LRP1B: variants seen among roughly 807,000 people sequenced by gnomAD.
LRP1B encodes low-density lipoprotein receptor-related protein 1B.
Under a neutral mutation model 556.6 loss-of-function variants are expected in LRP1B, and 217 were observed. The observed-to-expected ratio is 0.39, with a 90% confidence interval of 0.35 to 0.44. The LOEUF is 0.44. LRP1B is among the 20% of genes least tolerant of loss of function. LRP1B has a pLI of 1.00. For synonymous variants in LRP1B, 2,047 were observed against 1,865.8 expected (o/e 1.10, Z -2.50); for missense variants, 5,053 against 5,620.8 (o/e 0.90, Z 3.23).
At chr2:140,303,230 C>T (rs1261771550) in intron 83 of LRP1B, among the ~76,000 whole-genome samples, 1 of 140,354 alleles carries the variant, frequency 7.1e-6, no homozygotes, top group Non-Finnish European at 1.6e-5. Context: ...TAAAAATAAA[C>T]TCTTTTTTAT....
At chr2:140,429,905 A>G (rs1364266260) in intron 66 of LRP1B, among the ~76,000 whole-genome samples, 1 of 150,790 alleles carries the variant, frequency 6.6e-6, no homozygotes, top group Non-Finnish European at 1.5e-5. Context: ...TGACACATAT[A>G]CTTTCTGCTC....
chr2:140,431,924 A>C (rs1055726486), intron 66 of LRP1B, among the ~76,000 whole-genome samples: 1 of 151,506 alleles, frequency 6.6e-6, no homozygotes, highest in Admixed American at 6.6e-5. Flanking sequence ...ACCCCCAAAA[A>C]TTTTCGCTGT....
chr2:141,112,929 A>G (rs1251476771), intron 7 of LRP1B, among the ~76,000 whole-genome samples: 2 of 152,234 alleles, frequency 1.3e-5, no homozygotes, highest in Admixed American at 1.3e-4. Context: ...AGTGTTAAGG[A>G]GAGAATTGTT....
At chr2:140,743,624 T>C (rs925826096) in intron 35 of LRP1B, among the ~76,000 whole-genome samples, 8 of 152,054 alleles carry the variant, frequency 5.3e-5, no homozygotes, top group African/African-American at 1.9e-4. Flanking sequence ...GCCTTGCATA[T>C]AGTACACATG....
intron 43 of LRP1B, among the ~76,000 whole-genome samples, chr2:140,556,520 A>G (rs1431890675): frequency 6.6e-6 from 1 of 152,078 alleles, no homozygotes; most frequent in Non-Finnish European, 1.5e-5. Context: ...CACAGATTTC[A>G]CTATTTCTTG....
At chr2:141,924,302 T>C (rs1045293733) in intron 1 of LRP1B, among the ~76,000 whole-genome samples, 4 of 151,950 alleles carry the variant, frequency 2.6e-5, no homozygotes, top group Admixed American at 1.3e-4. Context: ...GGCTGCTTGA[T>C]AGCCAAAACT....
intron 37 of LRP1B, among the ~76,000 whole-genome samples, chr2:140,711,970 A>G (rs1426628936): frequency 6.6e-6 from 1 of 152,162 alleles, no homozygotes; most frequent in African/African-American, 2.4e-5. Flanking sequence ...AAAATAGTAA[A>G]TGTCTAAGTG....
chr2:140,863,305 T>A (rs961036929), intron 27 of LRP1B, among the ~76,000 whole-genome samples: 3 of 152,188 alleles, frequency 2.0e-5, no homozygotes, highest in Admixed American at 6.5e-5. Flanking sequence ...GACCATTTTT[T>A]AAAAAATTGT....
At chr2:141,204,808 G>C (rs556991317) in intron 6 of LRP1B, among the ~76,000 whole-genome samples, 1 of 152,050 alleles carries the variant, frequency 6.6e-6, no homozygotes, top group East Asian at 1.9e-4. Flanking sequence ...GCGGTGGCAG[G>C]TGCCTGTAAT....
At position 141,970,072 on chromosome 2, in the gene LRP1B, T is replaced by G. The variant is rs185904075; in HGVS notation, c.83-159671A>C. Among the ~76,000 whole-genome samples the G allele has an allele frequency of 2.6e-5, 4 of 151,768 alleles. No individual in the cohort carries two copies. The East Asian group carries it at 7.8e-4, about 29-fold the overall frequency. On this transcript the variant is annotated intron_variant, in intron 1 of 90. Coordinates refer to ENST00000389484, the MANE Select transcript of LRP1B (RefSeq NM_018557.3). ...TTCACATATCTGTTGACCATTTGTA[T>G]GTCTTCTTTGAGGAAATTCTATTCA...
At chr2:140,507,428 C>G (rs1689466327) in intron 52 of LRP1B, among the ~76,000 whole-genome samples, 1 of 152,128 alleles carries the variant, frequency 6.6e-6, no homozygotes, top group Admixed American at 6.6e-5. Flanking sequence ...TAAAATAAAA[C>G]TTTTTGGTGA....
chr2:140,800,195 C>G (rs955651192), intron 32 of LRP1B, among the ~76,000 whole-genome samples: 2 of 151,988 alleles, frequency 1.3e-5, no homozygotes, highest in African/African-American at 4.8e-5. Flanking sequence ...GGGAATTGAA[C>G]AGTGAGAACA....
intron 66 of LRP1B, among the ~76,000 whole-genome samples, chr2:140,411,267 GA>G (rs1470132473): frequency 6.6e-6 from 1 of 151,958 alleles, no homozygotes; most frequent in Non-Finnish European, 1.5e-5. Flanking sequence ...TTACTAATTT[GA>G]AATAGCTTTA....
intron 5 of LRP1B, among the ~76,000 whole-genome samples, chr2:141,229,959 CT>C (rs1683396173): frequency 6.6e-6 from 1 of 152,184 alleles, no homozygotes; most frequent in Non-Finnish European, 1.5e-5. Context: ...ATCACACATT[CT>C]TTTAGTGACT....
intron 7 of LRP1B, among the ~76,000 whole-genome samples, chr2:141,105,444 T>C (rs1015451416): frequency 6.6e-6 from 1 of 152,174 alleles, no homozygotes; most frequent in African/African-American, 2.4e-5. Context: ...TTTAAAGAAC[T>C]AATTTTTCTA....
chr2:141,982,567 CTG>C (rs986228755), intron 1 of LRP1B, among the ~76,000 whole-genome samples: 1 of 152,162 alleles, frequency 6.6e-6, no homozygotes, highest in African/African-American at 2.4e-5. Flanking sequence ...TGCTCTATCT[CTG>C]TGAACAACTC....
chr2:141,048,878 C>A, intron 11 of LRP1B, 108 bp downstream of exon 11: 3 of 830,126 alleles, frequency 3.6e-6, no homozygotes, highest in South Asian at 3.0e-5. Flanking sequence ...TTGAACCAAC[C>A]AGAAGAACTT....
chr2:141,986,771 C>T (rs1191378462), intron 1 of LRP1B, among the ~76,000 whole-genome samples: 1 of 151,940 alleles, frequency 6.6e-6, no homozygotes, highest in Non-Finnish European at 1.5e-5. Flanking sequence ...TCTAGTTCTA[C>T]AAAATTCTCC....
At chr2:141,898,666 A>G (rs574755902) in intron 1 of LRP1B, among the ~76,000 whole-genome samples, 1 of 152,310 alleles carries the variant, frequency 6.6e-6, no homozygotes, top group Admixed American at 6.5e-5. Flanking sequence ...AGCCTCTGGC[A>G]TCTAAGGGCA....
Sources: gnomAD v4.1 joint callset for allele counts (sites outside exome capture counted in the v4.1 genomes callset) on GRCh38, gnomAD v4.1.1 for gene constraint, MANE v1.5 for transcripts, NCBI Gene and HGNC (gene_info 2026-07-23, HGNC 2026-07-21) for gene names.